The following GLP2R variants were observed in gnomAD, a reference collection of about 807,000 sequenced individuals.
GLP2R encodes glucagon-like peptide 2 receptor.
A neutral mutation model predicts 68.2 loss-of-function variants in GLP2R; 59 were observed. The observed-to-expected ratio is 0.87, with a 90% CI of 0.70 to 1.07. The LOEUF is 1.07. Ranked by LOEUF, GLP2R falls within the 50% of genes least tolerant of loss-of-function variation. The probability of loss-of-function intolerance (pLI) is 0.00; values close to 1 mark genes in which losing one functional copy is unlikely to be tolerated. For missense variants in GLP2R, 548 were observed against 677.4 expected (o/e 0.81, Z 2.12); for synonymous variants, 270 against 265.4 (o/e 1.02, Z -0.17).
intron 9 of GLP2R, among the ~76,000 whole-genome samples, chr17:9,865,180 A>G (rs1404753682): frequency 6.6e-6 from 1 of 152,032 alleles, no homozygotes; most frequent in African/African-American, 2.4e-5. Context: ...GTGTTCTCCT[A>G]ACTTCTGTCC....
At chr17:9,827,937 G>T (rs1444342020) in intron 1 of GLP2R, among the ~76,000 whole-genome samples, 1 of 146,630 alleles carries the variant, frequency 6.8e-6, no homozygotes, top group Non-Finnish European at 1.5e-5. Context: ...CTCCAGTCTG[G>T]GCAGTAGAGT....
chr17:9,870,762 T>C lies in GLP2R; in HGVS notation c.1072T>C (p.Phe358Leu). Residue 358 changes from phenylalanine to leucine, a missense_variant, in exon 10 of 13, where the codon TTC (phenylalanine) becomes CTC (leucine). Phe to Leu is a conservative substitution (Grantham distance 22). Transcript: ENST00000262441. ...MLCVTVNFFI[F>L]LKILKLLISK... ...TTTTTTCAAGGTCAATTTCTTCATC[T>C]TCCTGAAAATTCTCAAGCTTCTCAT... 1 of 1,543,406 alleles carries C rather than the reference T, an allele frequency of 6.5e-7. No individual in the cohort carries two copies.
intron 4 of GLP2R, among the ~76,000 whole-genome samples, chr17:9,851,748 C>G (rs1444003634): frequency 6.6e-6 from 1 of 151,462 alleles, no homozygotes; most frequent in Non-Finnish European, 1.5e-5. Context: ...ATGAAGAACA[C>G]TAGAAATAGT....
At chr17:9,860,560 A>G (rs1173800575) in intron 7 of GLP2R, among the ~76,000 whole-genome samples, 2 of 152,120 alleles carry the variant, frequency 1.3e-5, no homozygotes, top group Non-Finnish European at 2.9e-5. Context: ...TGAGAAAGCA[A>G]GCTCTCTCGT....
intron 1 of GLP2R, among the ~76,000 whole-genome samples, chr17:9,832,389 G>A (rs532462221): frequency 3.9e-5 from 6 of 152,036 alleles, no homozygotes; most frequent in Non-Finnish European, 8.8e-5. Flanking sequence ...GCTGATCAAC[G>A]TGGTGAAACC....
chr17:9,888,019 T>G, intron 12 of GLP2R, 46 bp downstream of exon 12: 2 of 1,343,462 alleles, frequency 1.5e-6, no homozygotes, highest in Non-Finnish European at 2.1e-6. Context: ...AGGTTGGGAC[T>G]GCAACCCTAC....
At chr17:9,865,832 A>C (rs2067031196) in intron 9 of GLP2R, 1 of 471,104 alleles carries the variant, frequency 2.1e-6, no homozygotes, top group South Asian at 1.5e-5. Flanking sequence ...CTGTGTCTAC[A>C]GGCACTTGGA....
chr17:9,835,231 G>A (rs1186092788), intron 2 of GLP2R, among the ~76,000 whole-genome samples: 5 of 152,024 alleles, frequency 3.3e-5, no homozygotes, highest in African/African-American at 1.2e-4. Context: ...GTTTCACCAT[G>A]TTGGCCAGGA....
At chr17:9,839,694 A>G (rs912749174) in intron 3 of GLP2R, among the ~76,000 whole-genome samples, 2 of 151,708 alleles carry the variant, frequency 1.3e-5, no homozygotes, top group Non-Finnish European at 2.9e-5. Flanking sequence ...GGCATGCAAG[A>G]CCTCCTGCTG....
At chr17:9,870,071 C>T (rs1380937475) in intron 9 of GLP2R, among the ~76,000 whole-genome samples, 1 of 152,164 alleles carries the variant, frequency 6.6e-6, no homozygotes, top group Non-Finnish European at 1.5e-5. Context: ...TCAAGTTAGA[C>T]ACCAATAGGG....
intron 6 of GLP2R, among the ~76,000 whole-genome samples, chr17:9,858,761 C>A (rs905675241): frequency 6.6e-6 from 1 of 152,090 alleles, no homozygotes; most frequent in Non-Finnish European, 1.5e-5. Flanking sequence ...TAATATTGTT[C>A]ATGATATTCT....
Position 9,847,520 on chromosome 17 carries a change from A to G in GLP2R, c.504+4904A>G, listed in dbSNP as rs998511897. Among the ~76,000 whole-genome samples the G allele has an allele frequency of 3.9e-5, 6 of 152,212 alleles. No individual in the cohort carries two copies. In the South Asian group the frequency reaches 6.2e-4, roughly 16 times the overall value. ...CCTGACCTCGTGATCTGTCCGCCTC[A>G]GCCTCCCAAAGTGCTGGGATTACAG... On this transcript the variant is annotated intron_variant, in intron 4 of 12. Coordinates refer to ENST00000262441, the MANE Select transcript of GLP2R (RefSeq NM_004246.3).
At chr17:9,884,876 A>AG (rs201500756) in intron 11 of GLP2R, among the ~76,000 whole-genome samples, 1 of 151,982 alleles carries the variant, frequency 6.6e-6, no homozygotes, top group East Asian at 1.9e-4. Flanking sequence ...CCTAAATTAG[A>AG]GGGGGAAAAA....
chr17:9,829,590 G>A (rs1175772632), intron 1 of GLP2R, among the ~76,000 whole-genome samples: 1 of 151,992 alleles, frequency 6.6e-6, no homozygotes, highest in Admixed American at 6.6e-5. Flanking sequence ...TTAAAAGGAT[G>A]CTTTACTTCA....
At chr17:9,863,787 C>T (rs2067008164) in intron 9 of GLP2R, among the ~76,000 whole-genome samples, 1 of 152,206 alleles carries the variant, frequency 6.6e-6, no homozygotes, top group Non-Finnish European at 1.5e-5. Context: ...TGCTCCAGCC[C>T]TAGCCAACAC....
At chr17:9,868,099 C>T (rs1352093677) in intron 9 of GLP2R, among the ~76,000 whole-genome samples, 1 of 152,208 alleles carries the variant, frequency 6.6e-6, no homozygotes, top group Non-Finnish European at 1.5e-5. Flanking sequence ...AGGTAACTTA[C>T]TGAAGTCTTC....
intron 2 of GLP2R, 96 bp from the exon 3 acceptor site, chr17:9,836,275 T>A: frequency 1.3e-6 from 1 of 792,136 alleles, no homozygotes; most frequent in Non-Finnish European, 2.2e-6. Context: ...CAGCTTCCAG[T>A]GCCAGGAAGG....
intron 10 of GLP2R, among the ~76,000 whole-genome samples, chr17:9,877,195 A>G (rs2067148590): frequency 6.6e-6 from 1 of 152,250 alleles, no homozygotes; most frequent in South Asian, 2.1e-4. Context: ...TATTTGTTGG[A>G]TAGTTAAATG....
At chr17:9,854,413 T>C in intron 4 of GLP2R, 82 bp from the exon 5 acceptor site, 1 of 822,886 alleles carries the variant, frequency 1.2e-6, no homozygotes. Context: ...CCTAGGCCCT[T>C]GGTGGCCCTG....
Sources: gnomAD v4.1 joint callset for allele counts (sites outside exome capture counted in the v4.1 genomes callset) on GRCh38, gnomAD v4.1.1 for gene constraint, MANE v1.5 for transcripts, NCBI Gene and HGNC (gene_info 2026-07-23, HGNC 2026-07-21) for gene names.